Variants in HECW2 observed in about 807,000 individuals in gnomAD.
HECW2 encodes HECT, C2 and WW domain containing E3 ubiquitin protein ligase 2.
In HECW2, 61 loss-of-function variants were observed where a neutral mutation model predicts 175.2. That is an observed-to-expected ratio of 0.35 (90% CI 0.28 to 0.43). HECW2 has a LOEUF of 0.43. Ranked by LOEUF, HECW2 falls within the 20% of genes least tolerant of loss-of-function variation. The pLI, the probability that HECW2 is intolerant of heterozygous loss-of-function variation, is 1.00. For missense variants in HECW2, 1,524 were observed against 2,000.5 expected, an observed-to-expected ratio of 0.76 and a Z score of 4.54; for synonymous variants, 671 against 731.0, an observed-to-expected ratio of 0.92 and a Z score of 1.32.
intron 27 of HECW2, among the ~76,000 whole-genome samples, chr2:196,216,356 A>G (rs1687475249): frequency 6.6e-6 from 1 of 152,102 alleles, no homozygotes; most frequent in Non-Finnish European, 1.5e-5. Flanking sequence ...AAAAAAGAGA[A>G]TGTCTGGGCC....
chr2:196,382,444 A>G (rs1694234551), intron 2 of HECW2, among the ~76,000 whole-genome samples: 2 of 152,054 alleles, frequency 1.3e-5, no homozygotes, highest in Admixed American at 6.6e-5. Context: ...CTTAATCGAA[A>G]AAAGGCCTCT....
Position 196,306,502 on chromosome 2 carries a change from G to A in HECW2, c.2800C>T (p.Leu934=). The A allele has an allele frequency of 6.2e-7, 1 of 1,610,092 alleles. No homozygotes were observed. The highest frequency in any genetic ancestry group is 8.5e-7 in the Non-Finnish European group (1 of 1,178,206). The change falls in exon 13 of 29, where the codon CTG becomes TTG. Residue 934 remains leucine (L), a synonymous_variant. Coordinates refer to ENST00000644978, the MANE Select transcript of HECW2 (RefSeq NM_001348768.2). ...TCGCTACTCACAGGGTTAGAATGCAGCACGGTGAAGAACTCTGGGCTGATG... is the reference window on the plus strand; with the variant it reads ...TCGCTACTCACAGGGTTAGAATGCAACACGGTGAAGAACTCTGGGCTGATG... ...FLISPEFFTV[L]HSNPSAYRMF...
chr2:196,515,467 T>C (rs1272123897), intron 1 of HECW2, among the ~76,000 whole-genome samples: 1 of 152,192 alleles, frequency 6.6e-6, no homozygotes, highest in Non-Finnish European at 1.5e-5. Context: ...TCTAAACTCA[T>C]GTTCCATGGA....
intron 2 of HECW2, among the ~76,000 whole-genome samples, chr2:196,378,727 A>T (rs149178917): frequency 6.6e-6 from 1 of 152,242 alleles, no homozygotes; most frequent in Non-Finnish European, 1.5e-5. Context: ...TAAGAATTCC[A>T]GGAAATAAGT....
chr2:196,568,468 T>G (rs74570377), intron 1 of HECW2, among the ~76,000 whole-genome samples: 1 of 152,172 alleles, frequency 6.6e-6, no homozygotes, highest in Admixed American at 6.5e-5. Flanking sequence ...TTACTTATGA[T>G]AGGTGAGCTT....
intron 21 of HECW2, among the ~76,000 whole-genome samples, chr2:196,231,218 T>C (rs1270823830): frequency 6.6e-6 from 1 of 151,058 alleles, no homozygotes; most frequent in East Asian, 2.0e-4. Flanking sequence ...GTCAAAGTCA[T>C]CTTAGAAGTC....
chr2:196,539,646 GA>G (rs1438686303), intron 1 of HECW2, among the ~76,000 whole-genome samples: 1 of 151,492 alleles, frequency 6.6e-6, no homozygotes, highest in Admixed American at 6.6e-5. Flanking sequence ...AAAAGAAAAA[GA>G]AAAAAAAGAA....
chr2:196,297,084 G>C (rs999275983), intron 13 of HECW2, among the ~76,000 whole-genome samples: 3 of 152,194 alleles, frequency 2.0e-5, no homozygotes, highest in African/African-American at 7.2e-5. Context: ...TCATGATAAT[G>C]AACAGAATTC....
chr2:196,445,844 A>G (rs982204924), intron 1 of HECW2, among the ~76,000 whole-genome samples: 6 of 152,232 alleles, frequency 3.9e-5, no homozygotes, highest in Non-Finnish European at 8.8e-5. Flanking sequence ...ACAACTAAAA[A>G]GTAAAGATAG....
chr2:196,323,899 G>GTT (rs1183919803), intron 6 of HECW2, among the ~76,000 whole-genome samples: 8 of 118,142 alleles, frequency 6.8e-5, no homozygotes, highest in African/African-American at 1.1e-4. Context: ...GCCCTTAAGA[G>GTT]TTTTTTTTGT....
chr2:196,287,237 T>C (rs181509003), intron 14 of HECW2, among the ~76,000 whole-genome samples: 19 of 152,326 alleles, frequency 1.2e-4, no homozygotes, highest in Admixed American at 1.1e-3. Flanking sequence ...AGCTTGGACA[T>C]AGCAATGGAA....
chr2:196,331,273 C>T (rs1022437877), intron 4 of HECW2: 1 of 984,878 alleles, frequency 1.0e-6, no homozygotes, highest in Non-Finnish European at 1.2e-6. Flanking sequence ...TTGTATTGTA[C>T]TCCTCTGACT....
intron 2 of HECW2, among the ~76,000 whole-genome samples, chr2:196,379,288 T>C (rs1351493312): frequency 1.3e-5 from 2 of 152,192 alleles, no homozygotes; most frequent in Admixed American, 6.5e-5. Context: ...ATTGGGAGTA[T>C]GAGAAGGACT....
intron 1 of HECW2, among the ~76,000 whole-genome samples, chr2:196,519,644 G>T (rs183282444): frequency 6.6e-6 from 1 of 152,270 alleles, no homozygotes; most frequent in Admixed American, 6.5e-5. Context: ...AGTTGGAGAA[G>T]GATAAATGCA....
intron 13 of HECW2, among the ~76,000 whole-genome samples, chr2:196,294,176 A>T (rs1244135428): frequency 6.6e-6 from 1 of 151,930 alleles, no homozygotes; most frequent in Non-Finnish European, 1.5e-5. Flanking sequence ...TTTAAAGAAG[A>T]TTCCACAAAC....
chr2:196,242,245 C>G, intron 19 of HECW2, 41 bp from the exon 20 acceptor site: 2 of 1,612,828 alleles, frequency 1.2e-6, no homozygotes, highest in Non-Finnish European at 1.7e-6. Context: ...GGATTTGTGC[C>G]TCGTCCTTAT....
At position 196,426,264 on chromosome 2, in the gene HECW2, C is replaced by T. The variant is rs58077633; in HGVS notation, c.292+6868G>A. Among the ~76,000 whole-genome samples, 677 of 152,244 alleles carry T rather than the reference C, an allele frequency of 4.4e-3. 8 individuals carry two copies. The highest frequency in any genetic ancestry group is 0.015 in the African/African-American group (635 of 41,548). The stretch of plus-strand genomic sequence containing the variant: ...AAAAACTGTGACTGGCTTTAATTTG[C>T]TATTCACTTCATTATGGGGATCCAG... On this transcript the variant is annotated intron_variant, in intron 2 of 28. Transcript: ENST00000644978.
At chr2:196,531,922 C>T (rs1688852715) in intron 1 of HECW2, among the ~76,000 whole-genome samples, 2 of 152,226 alleles carry the variant, frequency 1.3e-5, no homozygotes, top group South Asian at 4.1e-4. Context: ...ACATATTTCA[C>T]TGCTCTTAGT....
At chr2:196,434,996 T>C (rs1487620040) in intron 1 of HECW2, among the ~76,000 whole-genome samples, 1 of 152,242 alleles carries the variant, frequency 6.6e-6, no homozygotes, top group Admixed American at 6.5e-5. Context: ...ACAGACACTT[T>C]GGATGAAGAG....
Sources: allele counts gnomAD v4.1 joint callset (sites outside exome capture counted in the v4.1 genomes callset), GRCh38; gene constraint gnomAD v4.1.1; transcripts MANE v1.5; gene names NCBI Gene and HGNC (gene_info 2026-07-23, HGNC 2026-07-21).